The following NUDT9 variants were observed in gnomAD, a reference collection of about 807,000 sequenced individuals.
NUDT9 encodes the protein nudix hydrolase 9, also known as ADP-ribose pyrophosphatase.
NUDT9 carries 31 observed loss-of-function variants against 41.0 expected under a neutral mutation model. That is an observed-to-expected ratio of 0.76 (90% CI 0.57 to 1.02). The LOEUF is 1.02. NUDT9 is among the 50% of genes least tolerant of loss of function. The pLI, the probability that NUDT9 is intolerant of heterozygous loss-of-function variation, is 0.00. For synonymous variants in NUDT9, 146 were observed against 147.6 expected (o/e 0.99, Z 0.08); for missense variants, 380 against 431.4 (o/e 0.88, Z 1.06).
At chr4:87,448,383 A>T (rs1722558803) in intron 4 of NUDT9, among the ~76,000 whole-genome samples, 1 of 152,060 alleles carries the variant, frequency 6.6e-6, no homozygotes, top group African/African-American at 2.4e-5. Context: ...ACCTCAGGTG[A>T]TCCACCCACC....
At chr4:87,442,583 CTT>C (rs1292137326) in intron 4 of NUDT9, among the ~76,000 whole-genome samples, 4 of 152,054 alleles carry the variant, frequency 2.6e-5, no homozygotes, top group African/African-American at 9.7e-5. Context: ...TTTTTAAAAC[CTT>C]TTTGGCTTTT....
intron 1 of NUDT9, among the ~76,000 whole-genome samples, chr4:87,428,402 T>G (rs1488320273): frequency 6.6e-6 from 1 of 152,192 alleles, no homozygotes; most frequent in Admixed American, 6.5e-5. Context: ...AATTGAAAAT[T>G]TATGTCCACA....
chr4:87,457,447 G>A (rs1723037638), intron 7 of NUDT9, among the ~76,000 whole-genome samples: 1 of 151,998 alleles, frequency 6.6e-6, no homozygotes, highest in Non-Finnish European at 1.5e-5. Context: ...ATGTTGGCCA[G>A]GCTGGTCTCG....
At chr4:87,455,098 G>A (rs1421817757) in intron 7 of NUDT9, among the ~76,000 whole-genome samples, 1 of 152,132 alleles carries the variant, frequency 6.6e-6, no homozygotes, top group Admixed American at 6.6e-5. Flanking sequence ...TTTATTTGTA[G>A]CATAAAAGTG....
chr4:87,429,258 C>T (rs1721572340), intron 1 of NUDT9, among the ~76,000 whole-genome samples: 1 of 151,914 alleles, frequency 6.6e-6, no homozygotes, highest in African/African-American at 2.4e-5. Flanking sequence ...CTCAGGAGAT[C>T]CTCCCACCTC....
intron 4 of NUDT9, among the ~76,000 whole-genome samples, chr4:87,443,441 A>G (rs899389373): frequency 3.9e-5 from 6 of 152,326 alleles, no homozygotes; most frequent in East Asian, 1.9e-4. Context: ...TTGAACATCT[A>G]TTTGTTCTCA....
At chr4:87,427,670 A>G (rs1414070951) in intron 1 of NUDT9, among the ~76,000 whole-genome samples, 3 of 152,200 alleles carry the variant, frequency 2.0e-5, no homozygotes, top group African/African-American at 7.2e-5. Context: ...GGGAACAAAG[A>G]GCCTTAAGTT....
At position 87,440,269 on chromosome 4, in the gene NUDT9, T is replaced by C. The variant is rs1234589778; in HGVS notation, c.444-1560T>C. 6.6e-5 allele frequency among the ~76,000 whole-genome samples: 10 copies of C among 152,370 alleles called. No individual in the cohort carries two copies. The East Asian group carries it at 1.7e-3, about 26-fold the overall frequency. ...ATTTTAAGGCTATGCTATAGGAATGTCTCAAGGAGCTCAAAGCAAAAATGC... is the reference window on the plus strand; with the variant it reads ...ATTTTAAGGCTATGCTATAGGAATGCCTCAAGGAGCTCAAAGCAAAAATGC... On this transcript the variant is annotated intron_variant, in intron 3 of 7. Transcript: ENST00000302174.
chr4:87,443,292 A>G (rs1308715882), intron 4 of NUDT9, among the ~76,000 whole-genome samples: 1 of 152,250 alleles, frequency 6.6e-6, no homozygotes, highest in African/African-American at 2.4e-5. Context: ...ATAAATATGC[A>G]TGCAGATGTA....
chr4:87,439,857 A>C (rs1722123894), intron 3 of NUDT9, among the ~76,000 whole-genome samples: 1 of 152,174 alleles, frequency 6.6e-6, no homozygotes, highest in Non-Finnish European at 1.5e-5. Context: ...GAAGTGTAAA[A>C]ATTAGCATGT....
intron 4 of NUDT9, among the ~76,000 whole-genome samples, chr4:87,446,247 C>CT (rs386400738): frequency 0.14 from 17,601 of 124,028 alleles, 1,537 homozygotes; most frequent in East Asian, 0.34. Context: ...CTTATCTTTC[C>CT]TTTTTTTTTT....
At chr4:87,435,520 A>G (rs1163751374) in intron 2 of NUDT9, among the ~76,000 whole-genome samples, 3 of 152,228 alleles carry the variant, frequency 2.0e-5, no homozygotes, top group Non-Finnish European at 2.9e-5. Flanking sequence ...GTTTTGAAAT[A>G]ACAGCTGATG....
At chr4:87,445,454 G>A (rs901039392) in intron 4 of NUDT9, 2 of 152,110 alleles carry the variant, frequency 1.3e-5, no homozygotes, top group African/African-American at 2.4e-5. Context: ...CAGAAGCTCC[G>A]GGGCAGGTGT....
In NUDT9 at chr4:87,449,192, A is replaced by C; in HGVS notation, c.581A>C (p.Lys194Thr). Residue 194 changes from lysine (K) to threonine (T), a missense_variant, in exon 5 of 8, where the codon AAG (lysine) becomes ACG (threonine). Transcript: ENST00000302174. ...AAAATCATGCATCCTGTTTCTGGGA[A>C]GCATATCTTACAATTTGTTGCAATA... ...GNKIMHPVSG[K>T]HILQFVAIKR... 1 of 1,611,734 alleles carries C rather than the reference A, an allele frequency of 6.2e-7. No individual in the cohort carries two copies. The highest frequency in any genetic ancestry group is 8.5e-7 in the Non-Finnish European group (1 of 1,177,892).
intron 7 of NUDT9, among the ~76,000 whole-genome samples, chr4:87,456,564 C>A (rs1156457354): frequency 6.6e-6 from 1 of 152,132 alleles, no homozygotes; most frequent in Non-Finnish European, 1.5e-5. Flanking sequence ...AAAATGTAGG[C>A]CCCCTCTTCA....
At chr4:87,441,574 A>G (rs1722202336) in intron 3 of NUDT9, among the ~76,000 whole-genome samples, 1 of 152,228 alleles carries the variant, frequency 6.6e-6, no homozygotes, top group South Asian at 2.1e-4. Flanking sequence ...GAAACAAATC[A>G]TCACATTGTA....
chr4:87,446,550 A>G lies in NUDT9; in HGVS notation c.531-2592A>G, dbSNP rs576854754. ...TCCTGGCCGTCTTTCCTCTTATCTA[A>G]TTAGTGTAAACATTCTGCTTGTTCA... On this transcript the variant is annotated intron_variant, in intron 4 of 7. Transcript: ENST00000302174. Among the ~76,000 whole-genome samples the G allele has an allele frequency of 2.0e-5, 3 of 152,168 alleles. No homozygotes were observed. The East Asian group carries it at 5.8e-4, about 29-fold the overall frequency.
rs1464364905 is a variant in NUDT9 at position 87,422,637 on chromosome 4, C to G, written c.-269C>G. 4 of 345,452 alleles carry G rather than the reference C, an allele frequency of 1.2e-5. No individual in the cohort carries two copies. The South Asian group carries it at 4.3e-4, about 37-fold the overall frequency. The allele number at this position is 345,452 out of a possible 1,614,324, so 21.4% of individuals were successfully genotyped here. A position where few individuals can be genotyped will look rare whatever the true frequency, so the allele number is the denominator to read the frequency against. On this transcript the variant is annotated 5_prime_UTR_variant, in exon 1 of 8. Coordinates refer to ENST00000302174, the MANE Select transcript of NUDT9 (RefSeq NM_024047.5). ...TACGAGGTTCGTGGCCGCGGTTTCC[C>G]CAGGCAGCTGGCGCTGGAGGCTTCG...
intron 3 of NUDT9, among the ~76,000 whole-genome samples, chr4:87,441,141 A>G (rs1722187085): frequency 6.6e-6 from 1 of 152,216 alleles, no homozygotes; most frequent in South Asian, 2.1e-4. Flanking sequence ...ACCATGAAGT[A>G]GAATTACATG....
Sources: allele counts gnomAD v4.1 joint callset (sites outside exome capture counted in the v4.1 genomes callset), GRCh38; gene constraint gnomAD v4.1.1; transcripts MANE v1.5; gene names NCBI Gene and HGNC (gene_info 2026-07-23, HGNC 2026-07-21).